Variants in KAZN observed in about 807,000 individuals in gnomAD.
KAZN encodes kazrin.
Under a neutral mutation model 87.4 loss-of-function variants are expected in KAZN, and 40 were observed. The ratio of observed to expected loss-of-function variants is 0.46; its 90% CI spans 0.36 to 0.60. KAZN has a LOEUF of 0.60. KAZN is among the 20% of genes least tolerant of loss of function. The pLI, the probability that KAZN is intolerant of heterozygous loss-of-function variation, is 0.00. For synonymous variants in KAZN, 466 were observed against 458.3 expected, an observed-to-expected ratio of 1.02 and a Z score of -0.22; for missense variants, 898 against 1,073.9, an observed-to-expected ratio of 0.84 and a Z score of 2.29.
chr1:14,454,497 G>T (rs1667456634), intron 2 of KAZN, among the ~76,000 whole-genome samples: 1 of 152,124 alleles, frequency 6.6e-6, no homozygotes, highest in Non-Finnish European at 1.5e-5. Flanking sequence ...ACCTCTTCTG[G>T]AACTTTCCAT....
chr1:14,265,815 G>C (rs1378154882), intron 2 of KAZN, among the ~76,000 whole-genome samples: 1 of 152,226 alleles, frequency 6.6e-6, no homozygotes, highest in Non-Finnish European at 1.5e-5. Flanking sequence ...TCTCTAGGGA[G>C]AGTTACCAGC....
chr1:14,325,039 G>T (rs954606544), intron 2 of KAZN, among the ~76,000 whole-genome samples: 2 of 152,172 alleles, frequency 1.3e-5, no homozygotes, highest in African/African-American at 4.8e-5. Flanking sequence ...TTTCTTAGAA[G>T]ACGGAGATTA....
At chr1:14,848,508 A>G (rs1248647356) in intron 1 of KAZN, among the ~76,000 whole-genome samples, 1 of 152,232 alleles carries the variant, frequency 6.6e-6, no homozygotes, top group Non-Finnish European at 1.5e-5. Context: ...TATCATTGCT[A>G]ACCAAAGACA....
intron 1 of KAZN, among the ~76,000 whole-genome samples, chr1:14,792,743 C>T (rs924256273): frequency 1.4e-4 from 22 of 152,048 alleles, no homozygotes; most frequent in African/African-American, 4.8e-4. Context: ...TTTGGGAGGC[C>T]GAGGTAGGCA....
chr1:13,966,827 CATAAA>C (rs780695866), intron 1 of KAZN, among the ~76,000 whole-genome samples: 1 of 152,138 alleles, frequency 6.6e-6, no homozygotes, highest in African/African-American at 2.4e-5. Context: ...TGATATATTA[CATAAA>C]ATAAAGGTTG....
In KAZN at chr1:15,066,569, G is replaced by C. The variant is rs1194317578; in HGVS notation, c.1222+816G>C. ...CCGTTTCTTTCTTTATGAAAAAAAA[G>C]AAAAAAAGAAAATTGTTTCATTTAA... On this transcript the variant is annotated intron_variant, in intron 8 of 14. Coordinates refer to ENST00000376030, the MANE Select transcript of KAZN (RefSeq NM_201628.3). The surrounding 1 kb of genome is among the most constrained non-coding windows in gnomAD (Gnocchi z 4.3). 7.1e-6 allele frequency: 7 copies of C among 984,396 alleles called. No homozygotes were observed. The highest frequency in any genetic ancestry group is 1.2e-6 in the Non-Finnish European group (1 of 829,124). 61.0% of individuals were successfully genotyped at this position (984,396 alleles called of 1,614,324 possible).
At chr1:14,060,861 A>T (rs1219357825) in intron 1 of KAZN, among the ~76,000 whole-genome samples, 2 of 152,156 alleles carry the variant, frequency 1.3e-5, no homozygotes, top group Non-Finnish European at 2.9e-5. Context: ...ATGTTTGGTC[A>T]CCCTCCATGT....
intron 1 of KAZN, among the ~76,000 whole-genome samples, chr1:14,959,661 C>T (rs1663602218): frequency 2.0e-5 from 3 of 152,162 alleles, no homozygotes. Flanking sequence ...GTGAGGTTTC[C>T]TCCTTCTCTT....
intron 2 of KAZN, among the ~76,000 whole-genome samples, chr1:14,418,780 A>G (rs956925151): frequency 2.0e-5 from 3 of 152,078 alleles, no homozygotes; most frequent in African/African-American, 7.2e-5. Context: ...CCCTTCTCCC[A>G]CTCAAAGTCA....
chr1:14,513,829 G>A (rs1416195558), intron 2 of KAZN, among the ~76,000 whole-genome samples: 1 of 151,956 alleles, frequency 6.6e-6, no homozygotes. Flanking sequence ...CAGCTGAATT[G>A]TAAATGAGTT....
At chr1:14,592,566 C>T (rs895564889) in intron 2 of KAZN, among the ~76,000 whole-genome samples, 1 of 152,182 alleles carries the variant, frequency 6.6e-6, no homozygotes, top group Non-Finnish European at 1.5e-5. Flanking sequence ...AATTCCATGT[C>T]ATGTGGTCTT....
chr1:14,078,460 C>A (rs1053874090), intron 1 of KAZN, among the ~76,000 whole-genome samples: 6 of 152,174 alleles, frequency 3.9e-5, no homozygotes, highest in Admixed American at 3.9e-4. Context: ...AAGAGAGGGA[C>A]CAAATCTGTC....
chr1:14,451,912 T>C (rs931857050), intron 2 of KAZN, among the ~76,000 whole-genome samples: 1 of 152,078 alleles, frequency 6.6e-6, no homozygotes, highest in African/African-American at 2.4e-5. Flanking sequence ...TTGGACGCTG[T>C]TTTGGGATGA....
chr1:14,805,798 T>C (rs1165485429), intron 1 of KAZN, among the ~76,000 whole-genome samples: 2 of 117,592 alleles, frequency 1.7e-5, no homozygotes, highest in Non-Finnish European at 3.5e-5. Context: ...ATAATAATAA[T>C]AATAATAAAT....
At chr1:14,092,236 G>A (rs866536294) in intron 1 of KAZN, among the ~76,000 whole-genome samples, 10 of 150,518 alleles carry the variant, frequency 6.6e-5, no homozygotes, top group Middle Eastern at 3.5e-3. Context: ...GACTACAGGC[G>A]CCCACCACCA....
rs1662215043 is a variant in KAZN, at chr1:14,949,405, G to C, written c.227-11279G>C. Reference sequence around the variant, plus strand: ...CCTGCCCAAGCAAATTCCCAAGTAGGTAGGAGCAGACTGTTCATAAGTCAT... The same window carrying C: ...CCTGCCCAAGCAAATTCCCAAGTAGCTAGGAGCAGACTGTTCATAAGTCAT... On this transcript the variant is annotated intron_variant, in intron 1 of 14. Transcript: ENST00000376030. This position sits in a 1 kb window ranked among gnomAD's most constrained non-coding sequence, Gnocchi z 4.3. Among the ~76,000 whole-genome samples, 1 of 152,140 alleles carries C rather than the reference G, an allele frequency of 6.6e-6. No individual in the cohort carries two copies. The highest frequency in any genetic ancestry group is 2.4e-5 in the African/African-American group (1 of 41,416).
At chr1:14,890,200 G>C (rs928393323) in intron 1 of KAZN, among the ~76,000 whole-genome samples, 13 of 152,180 alleles carry the variant, frequency 8.5e-5, no homozygotes, top group African/African-American at 3.1e-4. Context: ...GTCAAGCCTG[G>C]TCAGCTGGAA....
At chr1:14,123,746 A>T (rs1333011108) in intron 1 of KAZN, among the ~76,000 whole-genome samples, 1 of 151,764 alleles carries the variant, frequency 6.6e-6, no homozygotes, top group Non-Finnish European at 1.5e-5. Context: ...TTCCCAAATG[A>T]CTTCTGAGGT....
chr1:13,939,588 C>G (rs1458481436), intron 1 of KAZN, among the ~76,000 whole-genome samples: 3 of 152,232 alleles, frequency 2.0e-5, no homozygotes, highest in African/African-American at 7.2e-5. Flanking sequence ...CTCTTCCAAT[C>G]TCTGCCCGTT....
Sources: gnomAD v4.1 joint callset for allele counts (sites outside exome capture counted in the v4.1 genomes callset) on GRCh38, gnomAD v4.1.1 for gene constraint, Gnocchi (gnomAD v3.1) non-coding constraint, MANE v1.5 for transcripts, NCBI Gene and HGNC (gene_info 2026-07-23, HGNC 2026-07-21) for gene names.